SLX4: variants seen among roughly 807,000 people sequenced by gnomAD.
SLX4 encodes structure-specific endonuclease subunit SLX4.
In SLX4, 112 loss-of-function variants were observed where a neutral mutation model predicts 146.2. That is an observed-to-expected ratio of 0.77 (90% CI 0.66 to 0.90). The LOEUF (loss-of-function observed/expected upper bound fraction) is 0.90, where lower values mean the gene tolerates loss of function less well. SLX4 is among the 40% of genes least tolerant of loss of function. The pLI is 0.00. For missense variants in SLX4, 2,563 were observed against 2,392.7 expected, an observed-to-expected ratio of 1.07 and a Z score of -1.49; for synonymous variants, 1,061 against 997.7, an observed-to-expected ratio of 1.06 and a Z score of -1.20.
chr16:3,596,262 G>C lies in SLX4; in HGVS notation c.1815C>G (p.Ser605Arg). 6.4e-7 allele frequency: 1 copy of C among 1,561,558 alleles called. No homozygotes were observed. Among genetic ancestry groups the C allele is most frequent in the Non-Finnish European group, 8.7e-7 (1 of 1,154,562 alleles). ...CCTGCAGGGCCTGGTGCTCCCTCTG[G>C]CTGGCCGAAGGCGACGGGCCCCTGG... ...CGSRGPSPSA[S>R]QREHQALQDL... Residue 605 changes from serine to arginine, a missense_variant, in exon 8 of 15, where the codon AGC (serine) becomes AGG (arginine). Transcript: ENST00000294008.
At chr16:3,609,662 G>C (rs187159612) in intron 1 of SLX4, 96 bp from the exon 2 acceptor site, 1 of 152,612 alleles carries the variant, frequency 6.6e-6, no homozygotes, top group Admixed American at 6.5e-5. Flanking sequence ...TGAGGGAAAA[G>C]TCTTCGGAGT....
chr16:3,609,765 G>A (rs2040828139), intron 1 of SLX4, among the ~76,000 whole-genome samples, 199 bp from the exon 2 acceptor site: 1 of 152,224 alleles, frequency 6.6e-6, no homozygotes, highest in African/African-American at 2.4e-5. Flanking sequence ...ACCTGTCAAA[G>A]CATGTTGTTC....
intron 5 of SLX4, among the ~76,000 whole-genome samples, chr16:3,600,062 T>C (rs1385280917): frequency 6.6e-6 from 1 of 152,248 alleles, no homozygotes; most frequent in East Asian, 1.9e-4. Context: ...GGAACTGGTT[T>C]CATGGAAGAC....
chr16:3,597,046 C>CT lies in SLX4; in HGVS notation c.1683+332dup, dbSNP rs2040668563. ...CCATATTAGCCAGGCTGGTCTCGAA[C>CT]TCCTGACCTCGTGATCCGCCCACCT... is the stretch of plus-strand genomic sequence containing the variant. On this transcript the variant is annotated intron_variant, in intron 7 of 14. Transcript: ENST00000294008. The surrounding 1 kb of genome is among the most constrained non-coding windows in gnomAD (Gnocchi z 4.4). 6.6e-6 allele frequency among the ~76,000 whole-genome samples: 1 copy of CT among 152,156 alleles called. No individual in the cohort carries two copies. The highest frequency in any genetic ancestry group is 2.4e-5 in the African/African-American group (1 of 41,432).
intron 10 of SLX4, among the ~76,000 whole-genome samples, chr16:3,594,164 G>A (rs925079569): frequency 3.9e-5 from 6 of 152,156 alleles, no homozygotes; most frequent in Non-Finnish European, 8.8e-5. Context: ...ACCGCGCCCG[G>A]CCAAACAATG....
intron 8 of SLX4, among the ~76,000 whole-genome samples, 164 bp downstream of exon 8, chr16:3,595,989 T>C (rs1235656295): frequency 6.6e-6 from 1 of 152,250 alleles, no homozygotes; most frequent in African/African-American, 2.4e-5. Flanking sequence ...CTACACCACA[T>C]TGACCTTTGA....
chr16:3,588,816 T>C (rs2040537660), intron 12 of SLX4, among the ~76,000 whole-genome samples, 186 bp downstream of exon 12: 1 of 152,066 alleles, frequency 6.6e-6, no homozygotes, highest in Non-Finnish European at 1.5e-5. Context: ...CTGAGAAGTG[T>C]AGCATGAGAA....
chr16:3,611,492 G>C (rs1211465006), intron 1 of SLX4, 68 bp downstream of exon 1: 1 of 152,342 alleles, frequency 6.6e-6, no homozygotes, highest in Non-Finnish European at 1.5e-5. Flanking sequence ...AAGAGAGAAC[G>C]GCCCGAAATG....
chr16:3,585,421 T>C (rs974612073), intron 12 of SLX4, among the ~76,000 whole-genome samples: 6 of 151,750 alleles, frequency 4.0e-5, no homozygotes, highest in Non-Finnish European at 4.4e-5. Context: ...CCCGTCTCTA[T>C]TAAAAATACA....
In SLX4 at chr16:3,582,195, C is replaced by T; in HGVS notation, c.*147G>A. On this transcript the variant is annotated 3_prime_UTR_variant, in exon 15 of 15. Coordinates refer to ENST00000294008, the MANE Select transcript of SLX4 (RefSeq NM_032444.4). ...AGGAAGCCCTGGATTGGGCTGTGGT[C>T]ATCATCACAGCGCAGAGCTGATGTG... 1.5e-6 allele frequency: 1 copy of T among 668,138 alleles called. No homozygotes were observed. The highest frequency in any genetic ancestry group is 2.7e-5 in the East Asian group (1 of 36,742). The allele number at this position is 668,138 out of a possible 1,614,324, so 41.4% of individuals were successfully genotyped here.
chr16:3,596,158 G>T lies in SLX4; in HGVS notation c.1919C>A (p.Thr640Asn), dbSNP rs1340467468. 3.9e-6 allele frequency: 6 copies of T among 1,551,018 alleles called. No homozygotes were observed. In the Middle Eastern group the frequency reaches 5.0e-4, roughly 129 times the overall value. ...AGTCCCACCCAGCATCTCACCTGCA[G>T]TCCCTTCCGAGCCAGCCAGGCCCCC... ...GSGGLAGSEG[T>N]AGLDVVPGGL... Residue 640 changes from threonine (T) to asparagine (N), a missense_variant, in exon 8 of 15, where the codon ACT becomes AAT. By Grantham distance (65) the Thr-to-Asn change is moderately conservative. Coordinates refer to ENST00000294008, the MANE Select transcript of SLX4 (RefSeq NM_032444.4).
In SLX4 at chr16:3,590,641, T is replaced by G; in HGVS notation, c.2997A>C (p.Gln999His). The part of the protein sequence containing the change: ...STQGEISEPS[Q>H]ITSEPEEQSG... ...TTTGTTCCTCGGGCTCACTTGTTAT[T>G]TGGGACGGCTCTGAGATCTCTCCCT... Residue 999 changes from glutamine to histidine, a missense_variant, in exon 12 of 15, where the codon CAA (glutamine) becomes CAC (histidine). Physicochemically the swap from Gln to His is conservative, Grantham distance 24. Coordinates refer to ENST00000294008, the MANE Select transcript of SLX4 (RefSeq NM_032444.4). This position sits in a 1 kb window ranked among gnomAD's most constrained non-coding sequence, Gnocchi z 4.8. 6.2e-7 allele frequency: 1 copy of G among 1,614,182 alleles called. No homozygotes were observed. Among genetic ancestry groups the G allele is most frequent in the Non-Finnish European group, 8.5e-7 (1 of 1,180,038 alleles).
intron 12 of SLX4, among the ~76,000 whole-genome samples, chr16:3,587,061 T>G (rs1391696011): frequency 2.0e-5 from 3 of 152,024 alleles, no homozygotes; most frequent in African/African-American, 7.3e-5. Context: ...GTACAGGATT[T>G]TTGAGATGAT....
Position 3,590,016 on chromosome 16 carries a change from G to A in SLX4, c.3622C>T (p.Pro1208Ser). 6.2e-7 allele frequency: 1 copy of A among 1,614,132 alleles called. No individual in the cohort carries two copies. The highest frequency in any genetic ancestry group is 1.1e-5 in the South Asian group (1 of 91,088). ...TGCTGCAGCACAGCTTCGCTTCTTG[G>A]TGGGCTCTGGGAAGGTTCCTGATCT... ...DADQEPSQSP[P>S]RSEAVLQQED... Residue 1208 changes from proline to serine, a missense_variant, in exon 12 of 15, where the codon CCA becomes TCA. Physicochemically the swap from Pro to Ser is moderately conservative, Grantham distance 74. Coordinates refer to ENST00000294008, the MANE Select transcript of SLX4 (RefSeq NM_032444.4). This position sits in a 1 kb window ranked among gnomAD's most constrained non-coding sequence, Gnocchi z 4.8.
chr16:3,605,374 C>A (rs940192079), intron 3 of SLX4, among the ~76,000 whole-genome samples: 2 of 152,016 alleles, frequency 1.3e-5, no homozygotes, highest in Non-Finnish European at 2.9e-5. Flanking sequence ...CAGGCGTGAG[C>A]CACCACGCCT....
At chr16:3,598,618 T>C (rs60298844) in intron 5 of SLX4, among the ~76,000 whole-genome samples, 11,571 of 152,262 alleles carry the variant, frequency 0.076, 469 homozygotes, top group African/African-American at 0.1. Context: ...TGACTCCCAA[T>C]AAGCTGGGCA....
intron 9 of SLX4, among the ~76,000 whole-genome samples, chr16:3,595,155 G>A (rs1057443840): frequency 1.3e-5 from 2 of 152,224 alleles, no homozygotes; most frequent in African/African-American, 4.8e-5. Flanking sequence ...CACTGACAGG[G>A]AGGCCAGGCC....
rs574214196 is a variant in SLX4 at position 3,589,235 on chromosome 16, C to T, written c.4403G>A (p.Arg1468His). The change falls in exon 12 of 15, where the codon CGC becomes CAC. Residue 1468 changes from arginine to histidine, a missense_variant. Coordinates refer to ENST00000294008, the MANE Select transcript of SLX4 (RefSeq NM_032444.4). This position sits in a 1 kb window ranked among gnomAD's most constrained non-coding sequence, Gnocchi z 6.2. The stretch of plus-strand genomic sequence containing the variant: ...GGTGGTGTCCAGGAGTCCCGGGGAG[C>T]GACAGTCACGGCTGTCGGCGGCCTC... ...MNEAADSRDC[R>H]SPGLLDTTPI... is the part of the protein sequence containing the mutation. 6.4e-5 allele frequency: 103 copies of T among 1,608,904 alleles called. No homozygotes were observed. In the Admixed American group the frequency reaches 1.0e-3, roughly 16 times the overall value.
chr16:3,590,061 A>C lies in SLX4; in HGVS notation c.3577T>G (p.Ser1193Ala). 3 of 1,614,128 alleles carry C rather than the reference A, an allele frequency of 1.9e-6. No individual in the cohort carries two copies. Among genetic ancestry groups the C allele is most frequent in the Non-Finnish European group, 2.5e-6 (3 of 1,180,030 alleles). ...TGATCTGCATCAACATCAATGATGG[A>C]AAACAGCTCACAGGACCTAGGGCTA... ...EISPRSCELF[S>A]IIDVDADQEP... Residue 1193 changes from serine (S) to alanine (A), a missense_variant, in exon 12 of 15, where the codon TCC (serine) becomes GCC (alanine). Transcript: ENST00000294008. The surrounding 1 kb of genome is among the most constrained non-coding windows in gnomAD (Gnocchi z 4.8).
Sources: gnomAD v4.1 joint callset for allele counts (sites outside exome capture counted in the v4.1 genomes callset) on GRCh38, gnomAD v4.1.1 for gene constraint, Gnocchi (gnomAD v3.1) non-coding constraint, MANE v1.5 for transcripts, NCBI Gene and HGNC (gene_info 2026-07-23, HGNC 2026-07-21) for gene names.